The following SYNRG variants were observed in gnomAD, a reference collection of about 807,000 sequenced individuals.
The protein encoded by SYNRG is AP1 gamma subunit binding protein 1.
Under a neutral mutation model 130.9 loss-of-function variants are expected in SYNRG, and 37 were observed. The observed-to-expected ratio is 0.28, with a 90% CI of 0.22 to 0.37. SYNRG has a LOEUF of 0.37. Ranked by LOEUF, SYNRG falls within the 10% of genes least tolerant of loss-of-function variation. The pLI is 1.00. For synonymous variants in SYNRG, 539 were observed against 568.1 expected (o/e 0.95, Z 0.73); for missense variants, 1,338 against 1,588.9 (o/e 0.84, Z 2.68).
At position 37,580,633 on chromosome 17, in the gene SYNRG, C is replaced by T. The variant is rs141474130; in HGVS notation, c.590-3020G>A. Among the ~76,000 whole-genome samples the T allele has an allele frequency of 8.1e-3, 1,231 of 152,226 alleles. 15 individuals are homozygous for T. The highest frequency in any genetic ancestry group is 0.014 in the Non-Finnish European group (976 of 68,012). ...CACTGCAACCTCCACCTCCTGGGTT[C>T]AAGTGATTCTTCTGCCTCAAACTCC... On this transcript the variant is annotated intron_variant, in intron 6 of 21. Coordinates refer to ENST00000612223, the MANE Select transcript of SYNRG (RefSeq NM_007247.6).
Position 37,517,559 on chromosome 17 carries a change from T to A in SYNRG, c.*1381A>T, listed in dbSNP as rs11868673. The A allele has an allele frequency of 0.34, 52,047 of 151,654 alleles. 9,985 individuals carry two copies. Among genetic ancestry groups the A allele is most frequent in the East Asian group, 0.55 (2,797 of 5,132 alleles). The allele number at this position is 151,654 out of a possible 1,614,324, so 9.4% of individuals were successfully genotyped here. A position where few individuals can be genotyped will look rare whatever the true frequency, so the allele number is the denominator to read the frequency against. On this transcript the variant is annotated 3_prime_UTR_variant, in exon 22 of 22. Transcript: ENST00000612223. The stretch of plus-strand genomic sequence containing the variant: ...CTGTTTAATGAAAATGTTCCACACC[T>A]TTCTTGGAGAACATGGAAAAGCTGT...
chr17:37,520,897 C>T (rs964099795), intron 19 of SYNRG, among the ~76,000 whole-genome samples: 3 of 152,030 alleles, frequency 2.0e-5, no homozygotes, highest in Non-Finnish European at 4.4e-5. Context: ...CAGGGGAGCC[C>T]GTGCAGTGCC....
chr17:37,563,460 A>C (rs754098937), intron 11 of SYNRG, among the ~76,000 whole-genome samples: 23 of 152,202 alleles, frequency 1.5e-4, no homozygotes, highest in Non-Finnish European at 3.4e-4. Context: ...TTTAAAAAGA[A>C]ATATTTTGAT....
At chr17:37,599,942 T>G (rs1344878721) in intron 2 of SYNRG, among the ~76,000 whole-genome samples, 1 of 152,218 alleles carries the variant, frequency 6.6e-6, no homozygotes. Context: ...TGAATCAACA[T>G]GCTGGGTGCT....
chr17:37,519,975 G>T (rs1310709162), intron 21 of SYNRG, among the ~76,000 whole-genome samples: 1 of 152,186 alleles, frequency 6.6e-6, no homozygotes, highest in Non-Finnish European at 1.5e-5. Flanking sequence ...AGCCAATTAT[G>T]TGAAACAAGC....
At chr17:37,580,492 TGTGTGTGTGTGTGTGTGTGA>T (rs2061220493) in intron 6 of SYNRG, among the ~76,000 whole-genome samples, 1 of 130,364 alleles carries the variant, frequency 7.7e-6, no homozygotes, top group Admixed American at 7.9e-5. Flanking sequence ...TGTGTGTGTG[TGTGTGTGTGTGTGTGTGTGA>T]GAGAGAGAGA....
chr17:37,605,775 C>T (rs1054264073), intron 1 of SYNRG: 2 of 974,512 alleles, frequency 2.1e-6, no homozygotes, highest in African/African-American at 1.8e-5. Flanking sequence ...ACCACTAATT[C>T]TTATATTACT....
At chr17:37,547,550 C>T (rs2058379293) in intron 14 of SYNRG, among the ~76,000 whole-genome samples, 1 of 151,882 alleles carries the variant, frequency 6.6e-6, no homozygotes, top group South Asian at 2.1e-4. Flanking sequence ...GCAACCTCCA[C>T]CTCACAGGTT....
intron 6 of SYNRG, chr17:37,579,245 C>T (rs2061094046): frequency 2.3e-6 from 3 of 1,292,230 alleles, no homozygotes; most frequent in Non-Finnish European, 3.1e-6. Flanking sequence ...AGGCTGTGTC[C>T]CAGCCTTCTG....
chr17:37,577,099 T>C (rs2060895962), intron 7 of SYNRG, among the ~76,000 whole-genome samples: 1 of 152,128 alleles, frequency 6.6e-6, no homozygotes, highest in Non-Finnish European at 1.5e-5. Flanking sequence ...AAAAAGAGAG[T>C]TTTTATAAAA....
At chr17:37,574,339 G>A (rs1451812926) in intron 8 of SYNRG, among the ~76,000 whole-genome samples, 1 of 152,158 alleles carries the variant, frequency 6.6e-6, no homozygotes, top group African/African-American at 2.4e-5. Flanking sequence ...CAGGACATTC[G>A]TCTGGGCAAA....
chr17:37,519,685 A>G (rs1005847687), intron 21 of SYNRG, among the ~76,000 whole-genome samples: 7 of 152,238 alleles, frequency 4.6e-5, no homozygotes, highest in Admixed American at 3.9e-4. Context: ...TAAACACATA[A>G]GAATTATTTC....
At chr17:37,569,042 C>G in intron 10 of SYNRG, 118 bp from the exon 11 acceptor site, 1 of 1,035,176 alleles carries the variant, frequency 9.7e-7, no homozygotes, top group East Asian at 2.4e-5. Context: ...TACATTAACT[C>G]AAGTGCTTAC....
chr17:37,569,827 G>A (rs950552486), intron 10 of SYNRG, among the ~76,000 whole-genome samples: 1 of 152,010 alleles, frequency 6.6e-6, no homozygotes, highest in Non-Finnish European at 1.5e-5. Context: ...CAGAAGTACT[G>A]TTAACAGCTC....
chr17:37,575,155 G>C (rs539290749), intron 8 of SYNRG, among the ~76,000 whole-genome samples: 2 of 152,152 alleles, frequency 1.3e-5, no homozygotes, highest in East Asian at 3.9e-4. Flanking sequence ...AGGCTGAGAA[G>C]GGTAGTGGTG....
chr17:37,565,730 G>A (rs1364434711), intron 11 of SYNRG, among the ~76,000 whole-genome samples: 4 of 151,512 alleles, frequency 2.6e-5, no homozygotes, highest in Admixed American at 6.6e-5. Context: ...CCTCTGCCCG[G>A]CCGCGACCCT....
At chr17:37,549,022 C>T (rs1284363782) in intron 14 of SYNRG, among the ~76,000 whole-genome samples, 1 of 149,342 alleles carries the variant, frequency 6.7e-6, no homozygotes, top group Non-Finnish European at 1.5e-5. Flanking sequence ...GTAATCCCAG[C>T]TACTCAGGAG....
At chr17:37,586,084 C>G (rs1343861825) in intron 4 of SYNRG, among the ~76,000 whole-genome samples, 1 of 152,180 alleles carries the variant, frequency 6.6e-6, no homozygotes, top group East Asian at 1.9e-4. Context: ...GCCTCAACCT[C>G]GGGGCCCAGG....
rs1304571202 is a variant in SYNRG, at chr17:37,518,812, C to A, written c.*128G>T. ...GCCGTGGGGATGACGGGGGCCCCGT[C>A]CCTTGCGGTGTTCTTCATATCGATT... is the stretch of plus-strand genomic sequence containing the variant. On this transcript the variant is annotated 3_prime_UTR_variant, in exon 22 of 22. Coordinates refer to ENST00000612223, the MANE Select transcript of SYNRG (RefSeq NM_007247.6). 1.4e-5 allele frequency: 20 copies of A among 1,400,200 alleles called. No individual in the cohort carries two copies. The highest frequency in any genetic ancestry group is 1.6e-5 in the Non-Finnish European group (17 of 1,041,016). 86.7% of individuals were successfully genotyped at this position (1,400,200 alleles called of 1,614,324 possible). A position where few individuals can be genotyped will look rare whatever the true frequency, so the allele number is the denominator to read the frequency against.
Sources: allele counts gnomAD v4.1 joint callset (sites outside exome capture counted in the v4.1 genomes callset), GRCh38; gene constraint gnomAD v4.1.1; transcripts MANE v1.5; gene names NCBI Gene and HGNC (gene_info 2026-07-23, HGNC 2026-07-21).